MRPL48: variants seen among roughly 807,000 people sequenced by gnomAD.
MRPL48 encodes large ribosomal subunit protein mL48.
MRPL48 carries 16 observed loss-of-function variants against 32.9 expected under a neutral mutation model. The ratio of observed to expected loss-of-function variants is 0.49; its 90% CI spans 0.33 to 0.74. MRPL48 has a LOEUF of 0.74. Ranked by LOEUF, MRPL48 falls within the 30% of genes least tolerant of loss-of-function variation. The pLI is 0.02. For missense variants in MRPL48, 206 were observed against 245.3 expected, an observed-to-expected ratio of 0.84 and a Z score of 1.07; for synonymous variants, 94 against 89.2, an observed-to-expected ratio of 1.05 and a Z score of -0.31.
chr11:73,850,575 TTGTC>T (rs1312320235), intron 5 of MRPL48: 1 of 361,242 alleles, frequency 2.8e-6, no homozygotes, highest in East Asian at 8.9e-5. Context: ...CATTTCAACT[TTGTC>T]TGTTCTTTTC....
rs553472993 is a variant in MRPL48, at chr11:73,798,151, C to T, written c.22-6876C>T. Among the ~76,000 whole-genome samples, 12 of 152,180 alleles carry T rather than the reference C, an allele frequency of 7.9e-5. No homozygotes were observed. In the South Asian group the frequency reaches 1.9e-3, roughly 24 times the overall value. On this transcript the variant is annotated intron_variant, in intron 1 of 7. Transcript: ENST00000310614. ...GGAGGGCAGTGGCATAATCTCGGCT[C>T]ACTGCAACCTCCACCTCCTGGGTTC... is the stretch of plus-strand genomic sequence containing the variant.
chr11:73,790,061 A>G (rs888193310), intron 1 of MRPL48, among the ~76,000 whole-genome samples: 28 of 112,260 alleles, frequency 2.5e-4, no homozygotes, highest in Admixed American at 2.3e-3. Context: ...ATGCTCAGCT[A>G]ATTTTTTTTT....
rs1948630342 is a variant in MRPL48 at position 73,864,224 on chromosome 11, G to A, written c.565-72G>A. The stretch of plus-strand genomic sequence containing the variant: ...CAGAGCTGGTTCAAGGGCCCTTTTT[G>A]GATGCTGTGCATATCTGGGTAACTA... On this transcript the variant is annotated intron_variant, in intron 7 of 7. Coordinates refer to ENST00000310614, the MANE Select transcript of MRPL48 (RefSeq NM_016055.6). 2.1e-6 allele frequency: 3 copies of A among 1,411,100 alleles called. No homozygotes were observed. The Admixed American group carries it at 6.0e-5, about 28-fold the overall frequency. 87.4% of individuals were successfully genotyped at this position (1,411,100 alleles called of 1,614,324 possible). A position where few individuals can be genotyped will look rare whatever the true frequency, so the allele number is the denominator to read the frequency against.
At chr11:73,859,320 T>G (rs1948541246) in intron 5 of MRPL48, among the ~76,000 whole-genome samples, 1 of 151,920 alleles carries the variant, frequency 6.6e-6, no homozygotes, top group South Asian at 2.1e-4. Context: ...CTTCCTCTGT[T>G]GCCCATGCTG....
At chr11:73,798,905 C>A (rs150585746) in intron 1 of MRPL48, among the ~76,000 whole-genome samples, 2 of 151,242 alleles carry the variant, frequency 1.3e-5, no homozygotes, top group African/African-American at 4.9e-5. Context: ...GCCGGAGAAT[C>A]GCTTGAACCT....
chr11:73,854,548 A>C (rs1376530736), intron 5 of MRPL48, among the ~76,000 whole-genome samples: 3 of 152,104 alleles, frequency 2.0e-5, no homozygotes, highest in South Asian at 4.1e-4. Flanking sequence ...TGGCCTCCCA[A>C]AGTGCTAGGA....
At chr11:73,805,293 C>CTTTTTT (rs11335180) in intron 2 of MRPL48, among the ~76,000 whole-genome samples, 13 of 136,890 alleles carry the variant, frequency 9.5e-5, no homozygotes, top group Non-Finnish European at 7.8e-5. Flanking sequence ...TGATGCTGTT[C>CTTTTTT]TTTTTTTTTT....
intron 4 of MRPL48, among the ~76,000 whole-genome samples, chr11:73,834,916 C>A (rs1948068876): frequency 6.6e-6 from 1 of 151,456 alleles, no homozygotes; most frequent in Non-Finnish European, 1.5e-5. Context: ...ACTGCAACCT[C>A]AAACTCTTGA....
chr11:73,837,265 C>G (rs1948119950), intron 4 of MRPL48, among the ~76,000 whole-genome samples: 1 of 152,168 alleles, frequency 6.6e-6, no homozygotes, highest in African/African-American at 2.4e-5. Context: ...AGAGCCTGGG[C>G]TTGGGGCTGC....
At chr11:73,791,611 G>A (rs1023631729) in intron 1 of MRPL48, among the ~76,000 whole-genome samples, 1 of 151,860 alleles carries the variant, frequency 6.6e-6, no homozygotes, top group South Asian at 2.1e-4. Context: ...TAGAGATGGG[G>A]TTTTACCATG....
Position 73,864,291 on chromosome 11 carries a change from C to T in MRPL48, c.565-5C>T, listed in dbSNP as rs763101360. The T allele has an allele frequency of 1.9e-6, 3 of 1,613,152 alleles. No homozygotes were observed. The highest frequency in any genetic ancestry group is 2.7e-5 in the African/African-American group (2 of 74,904). On this transcript the variant is annotated splice_region_variant and splice_polypyrimidine_tract_variant and intron_variant, in intron 7 of 7. Transcript: ENST00000310614. ...TACCGCTTATTTTCTTTTTCTTCTCCTTAGCACACTGAAGAAGACTTCAAG... is the reference window on the plus strand; with the variant it reads ...TACCGCTTATTTTCTTTTTCTTCTCTTTAGCACACTGAAGAAGACTTCAAG...
chr11:73,847,633 A>G (rs1378633817), intron 5 of MRPL48, among the ~76,000 whole-genome samples: 3 of 151,928 alleles, frequency 2.0e-5, no homozygotes, highest in Admixed American at 1.3e-4. Flanking sequence ...TTTAGTAGAG[A>G]CGGGGTTTCA....
chr11:73,824,824 C>T (rs1412994155), intron 3 of MRPL48, among the ~76,000 whole-genome samples: 1 of 152,076 alleles, frequency 6.6e-6, no homozygotes, highest in Non-Finnish European at 1.5e-5. Flanking sequence ...GTGGCTTTAT[C>T]AGGAGAGAAT....
At chr11:73,818,806 T>G (rs980075820) in intron 3 of MRPL48, among the ~76,000 whole-genome samples, 1 of 152,232 alleles carries the variant, frequency 6.6e-6, no homozygotes, top group Non-Finnish European at 1.5e-5. Flanking sequence ...GGTTTAGTTC[T>G]CAGTTTAATG....
intron 4 of MRPL48, among the ~76,000 whole-genome samples, chr11:73,826,740 A>G (rs1349175943): frequency 6.6e-6 from 1 of 151,230 alleles, no homozygotes; most frequent in East Asian, 1.9e-4. Flanking sequence ...TTGACCTCTG[A>G]AAGTGCTGGG....
At chr11:73,851,021 G>T (rs530680579) in intron 5 of MRPL48, 1 of 469,106 alleles carries the variant, frequency 2.1e-6, no homozygotes, top group South Asian at 1.6e-5. Context: ...GGCAAGAGCT[G>T]CCATCAAAGA....
intron 3 of MRPL48, among the ~76,000 whole-genome samples, chr11:73,816,340 G>A (rs566930539): frequency 9.6e-5 from 12 of 124,484 alleles, no homozygotes; most frequent in African/African-American, 3.7e-4. Context: ...GGATACAGGC[G>A]TGAGCCACCG....
At position 73,859,977 on chromosome 11, in the gene MRPL48, T is replaced by A; in HGVS notation, c.442T>A (p.Ser148Thr). 1 of 1,613,876 alleles carries A rather than the reference T, an allele frequency of 6.2e-7. No individual in the cohort carries two copies. The stretch of plus-strand genomic sequence containing the variant: ...CCAAGGCAGCAAAATGCTCCTGGAC[T>A]CAGTGCTTACCACCCATGAGCGAGT... The part of the protein sequence containing the change: ...QDQGSKMLLD[S>T]VLTTHERVVQ... Residue 148 changes from serine (S) to threonine (T), a missense_variant, in exon 6 of 8, where the codon TCA becomes ACA. Transcript: ENST00000310614.
intron 3 of MRPL48, among the ~76,000 whole-genome samples, chr11:73,815,451 G>A (rs868175632): frequency 6.6e-6 from 1 of 151,984 alleles, no homozygotes; most frequent in South Asian, 2.1e-4. Context: ...GGAGGTTTGA[G>A]AATGTAACCT....
Sources: gnomAD v4.1 joint callset for allele counts (sites outside exome capture counted in the v4.1 genomes callset) on GRCh38, gnomAD v4.1.1 for gene constraint, MANE v1.5 for transcripts, NCBI Gene and HGNC (gene_info 2026-07-23, HGNC 2026-07-21) for gene names.